Variants in ESRRG observed in about 807,000 individuals in gnomAD.
ESRRG encodes estrogen related receptor gamma, also known as estrogen-related receptor gamma.
In ESRRG, 13 loss-of-function variants were observed where a neutral mutation model predicts 44.0. The ratio of observed to expected loss-of-function variants is 0.30; its 90% CI spans 0.19 to 0.47. The LOEUF (loss-of-function observed/expected upper bound fraction) is 0.47, where lower values mean the gene tolerates loss of function less well. ESRRG is among the 20% of genes least tolerant of loss of function. ESRRG has a pLI of 1.00. For synonymous variants in ESRRG, 215 were observed against 214.6 expected (o/e 1.00, Z -0.02); for missense variants, 395 against 580.6 (o/e 0.68, Z 3.29).
chr1:216,531,006 G>T (rs1371885002), intron 5 of ESRRG, among the ~76,000 whole-genome samples: 1 of 152,014 alleles, frequency 6.6e-6, no homozygotes, highest in African/African-American at 2.4e-5. Flanking sequence ...TTTAACATAT[G>T]CCCTAGGAGG....
At chr1:216,569,259 G>GGAAAGAAAAGGAAAGGAAAGGAA (rs2060345792) in intron 3 of ESRRG, among the ~76,000 whole-genome samples, 1 of 81,726 alleles carries the variant, frequency 1.2e-5, no homozygotes, top group Non-Finnish European at 2.5e-5. Flanking sequence ...AAGGAAAGGA[G>GGAAAGAAAAGGAAAGGAAAGGAA]GGAGGAAGGA....
intron 1 of ESRRG, among the ~76,000 whole-genome samples, chr1:216,964,856 A>G (rs944994412): frequency 3.9e-5 from 6 of 152,204 alleles, no homozygotes; most frequent in Non-Finnish European, 7.3e-5. Flanking sequence ...AAATTAAGCC[A>G]TAGAAAAGAG....
At chr1:216,861,627 G>A (rs2096056486) in intron 2 of ESRRG, among the ~76,000 whole-genome samples, 1 of 152,144 alleles carries the variant, frequency 6.6e-6, no homozygotes, top group Admixed American at 6.5e-5. Flanking sequence ...TTTGTAATCT[G>A]GGATAGTCAA....
intron 2 of ESRRG, among the ~76,000 whole-genome samples, chr1:216,810,883 A>G (rs2094949704): frequency 1.3e-5 from 2 of 151,346 alleles, no homozygotes; most frequent in Non-Finnish European, 2.9e-5. Flanking sequence ...ATATACATAT[A>G]CATATATCCA....
At chr1:216,851,347 TA>T (rs2095840035) in intron 2 of ESRRG, among the ~76,000 whole-genome samples, 1 of 152,118 alleles carries the variant, frequency 6.6e-6, no homozygotes, top group Non-Finnish European at 1.5e-5. Flanking sequence ...CACAGTAGTG[TA>T]GGAGAGAACT....
chr1:216,786,527 A>G (rs565261841), intron 2 of ESRRG, among the ~76,000 whole-genome samples: 39 of 152,268 alleles, frequency 2.6e-4, no homozygotes, highest in African/African-American at 9.4e-4. Flanking sequence ...TTGAGAAAGT[A>G]AAACTAACAG....
rs959971973 is a variant in ESRRG, at chr1:216,768,905, T to TC, written c.-13-91415dup. On this transcript the variant is annotated intron_variant, in intron 2 of 7. Coordinates refer to the ESRRG transcript ENST00000359162. ...CTAAGAACAAGAGTCAGGAATTAAA[T>TC]CCCCCCCATATATATGGTTTAGAGT... Among the ~76,000 whole-genome samples, 4 of 151,968 alleles carry TC rather than the reference T, an allele frequency of 2.6e-5. No homozygotes were observed. The South Asian group carries it at 8.3e-4, about 32-fold the overall frequency.
chr1:216,884,663 T>C (rs2096492228), intron 2 of ESRRG, among the ~76,000 whole-genome samples: 1 of 152,240 alleles, frequency 6.6e-6, no homozygotes, highest in Non-Finnish European at 1.5e-5. Flanking sequence ...CAACTTTCTC[T>C]GGCACCTTTT....
At chr1:216,664,236 T>C (rs922867099) in intron 2 of ESRRG, among the ~76,000 whole-genome samples, 3 of 152,064 alleles carry the variant, frequency 2.0e-5, no homozygotes, top group Admixed American at 6.6e-5. Flanking sequence ...GGACAGGCTC[T>C]GGGTTCAAGA....
upstream of ESRRG, among the ~76,000 whole-genome samples, chr1:216,727,111 A>G (rs2087689674): frequency 6.6e-6 from 1 of 152,186 alleles, no homozygotes; most frequent in South Asian, 2.1e-4. Context: ...CAAGTTTATC[A>G]CTGTCATTTT....
chr1:216,696,602 T>G (rs2080207281), intron 1 of ESRRG, among the ~76,000 whole-genome samples: 1 of 152,138 alleles, frequency 6.6e-6, no homozygotes, highest in South Asian at 2.1e-4. Context: ...ATTATTTATA[T>G]CATAGGATAA....
intron 2 of ESRRG, among the ~76,000 whole-genome samples, chr1:216,791,332 T>C (rs1412375117): frequency 6.6e-6 from 1 of 152,024 alleles, no homozygotes; most frequent in East Asian, 1.9e-4. Context: ...CTCCATGTGA[T>C]AGGCCTGCTC....
chr1:216,539,605 C>T (rs911389143), intron 5 of ESRRG, among the ~76,000 whole-genome samples: 6 of 152,010 alleles, frequency 3.9e-5, no homozygotes, highest in Non-Finnish European at 8.8e-5. Flanking sequence ...GTCTCCTTCA[C>T]TAGAATTTAC....
intron 2 of ESRRG, among the ~76,000 whole-genome samples, chr1:216,792,785 A>T (rs1267368698): frequency 6.6e-6 from 1 of 152,184 alleles, no homozygotes; most frequent in Non-Finnish European, 1.5e-5. Context: ...TGGCACATGA[A>T]GAAAAATTGC....
At chr1:216,624,196 G>A (rs1230549655) in intron 3 of ESRRG, among the ~76,000 whole-genome samples, 1 of 152,130 alleles carries the variant, frequency 6.6e-6, no homozygotes, top group Non-Finnish European at 1.5e-5. Context: ...GGCCAAAGAG[G>A]AATAAATTCC....
At chr1:216,753,382 C>G (rs751663224) in intron 2 of ESRRG, among the ~76,000 whole-genome samples, 12 of 152,026 alleles carry the variant, frequency 7.9e-5, no homozygotes, top group Admixed American at 1.3e-4. Context: ...AGACACTTTT[C>G]TTATCAAAGA....
At chr1:216,827,044 C>T (rs981684365) in intron 2 of ESRRG, among the ~76,000 whole-genome samples, 1 of 152,112 alleles carries the variant, frequency 6.6e-6, no homozygotes, top group South Asian at 2.1e-4. Context: ...AAGAAAAATA[C>T]AGTTCAGATC....
At chr1:217,052,914 G>A (rs1310302802) in intron 1 of ESRRG, among the ~76,000 whole-genome samples, 1 of 152,100 alleles carries the variant, frequency 6.6e-6, no homozygotes, top group Non-Finnish European at 1.5e-5. Context: ...TGGGAGCTTT[G>A]ATGAAAATAA....
intron 2 of ESRRG, among the ~76,000 whole-genome samples, chr1:216,937,156 C>A (rs2064286158): frequency 6.6e-6 from 1 of 151,496 alleles, no homozygotes; most frequent in Non-Finnish European, 1.5e-5. Flanking sequence ...ACTTAGCCAG[C>A]CATAAGCTTT....
Sources: gnomAD v4.1 joint callset for allele counts (sites outside exome capture counted in the v4.1 genomes callset) on GRCh38, gnomAD v4.1.1 for gene constraint, MANE v1.5 for transcripts, NCBI Gene and HGNC (gene_info 2026-07-23, HGNC 2026-07-21) for gene names.